Variants in SLITRK3 observed in about 807,000 individuals in gnomAD.
The protein encoded by SLITRK3 is SLIT and NTRK like family member 3.
A neutral mutation model predicts 63.6 loss-of-function variants in SLITRK3; 16 were observed. The observed-to-expected ratio is 0.25, with a 90% CI of 0.17 to 0.38. SLITRK3 has a LOEUF of 0.38. SLITRK3 is among the 10% of genes least tolerant of loss of function. The pLI is 1.00. For missense variants in SLITRK3, 1,117 were observed against 1,181.4 expected (o/e 0.95, Z 0.80); for synonymous variants, 547 against 451.6 (o/e 1.21, Z -2.68).
chr3:165,191,417 G>A (rs572002283), intron 1 of SLITRK3, among the ~76,000 whole-genome samples: 1 of 152,292 alleles, frequency 6.6e-6, no homozygotes, highest in East Asian at 1.9e-4. Context: ...TGTGTAAAAT[G>A]ATCAGCATCT....
upstream of SLITRK3, chr3:165,196,897 G>GTCTCTCTCCCTC (rs71147105): frequency 2.1e-5 from 2 of 96,474 alleles, no homozygotes; most frequent in Non-Finnish European, 4.1e-5. Flanking sequence ...CTCTCTCTCT[G>GTCTCTCTCCCTC]TCTCTCTCTC....
chr3:165,189,040 G>A lies in SLITRK3; in HGVS notation c.1791C>T (p.Leu597=). Residue 597 remains leucine, a synonymous_variant, in exon 2 of 2, where the codon CTC becomes CTT. Coordinates refer to ENST00000475390, the MANE Select transcript of SLITRK3 (RefSeq NM_001318810.2). The surrounding 1 kb of genome is among the most constrained non-coding windows in gnomAD (Gnocchi z 4.0). ...GDVLCRSPEN[L]THRDVRTIEL... ...CAATAGTGCGCACATCACGGTGCGT[G>A]AGGTTCTCAGGGCTCCTGCAAAGCA... is the stretch of plus-strand genomic sequence containing the variant. 7 of 1,614,182 alleles carry A rather than the reference G, an allele frequency of 4.3e-6. No homozygotes were observed. Among genetic ancestry groups the A allele is most frequent in the Non-Finnish European group, 5.1e-6 (6 of 1,180,046 alleles).
chr3:165,193,246 T>A (rs1318863714), intron 1 of SLITRK3, among the ~76,000 whole-genome samples: 1 of 106,540 alleles, frequency 9.4e-6, no homozygotes, highest in Admixed American at 1.1e-4. Context: ...GTGAGGAAGG[T>A]GGAGATGGGG....
Position 165,187,979 on chromosome 3 carries a change from C to G in SLITRK3, c.2852G>C (p.Ser951Thr). 3.7e-6 allele frequency: 6 copies of G among 1,613,930 alleles called. No individual in the cohort carries two copies. The highest frequency in any genetic ancestry group is 4.2e-6 in the Non-Finnish European group (5 of 1,180,000). Residue 951 changes from serine to threonine, a missense_variant, in exon 2 of 2, where the codon AGT becomes ACT. Ser to Thr is a moderately conservative substitution (Grantham distance 58, BLOSUM62 1). This residue lies in a region of SLITRK3 where 499 missense variants were observed against 463.6 expected (regional missense o/e 1.08). Coordinates refer to ENST00000475390, the MANE Select transcript of SLITRK3 (RefSeq NM_001318810.2). The part of the protein sequence containing the change: ...KGFTDHQTQK[S>T]DYLELRAKLQ... Reference sequence around the variant, plus strand: ...TTTGGCCCTTAACTCGAGGTAATCACTTTTTTGGGTTTGGTGGTCTGTGAA... The same window carrying G: ...TTTGGCCCTTAACTCGAGGTAATCAGTTTTTTGGGTTTGGTGGTCTGTGAA...
At position 165,190,102 on chromosome 3, in the gene SLITRK3, C is replaced by G. The variant is rs1413272568; in HGVS notation, c.729G>C (p.Leu243=). ...AAGGAATGCGTTCCAGCCAACTCTT[C>G]AGTTGTACAATTTCACATGTACAGT... ...PWNCTCEIVQ[L]KSWLERIPYT... The change falls in exon 2 of 2, where the codon CTG becomes CTC. Residue 243 remains leucine, a synonymous_variant. Coordinates refer to ENST00000475390, the MANE Select transcript of SLITRK3 (RefSeq NM_001318810.2). 12 of 1,614,196 alleles carry G rather than the reference C, an allele frequency of 7.4e-6. No individual in the cohort carries two copies. Among genetic ancestry groups the G allele is most frequent in the African/African-American group, 1.3e-5 (1 of 75,044 alleles).
Position 165,190,256 on chromosome 3 carries a change from A to G in SLITRK3, c.575T>C (p.Leu192Ser), listed in dbSNP as rs1718159818. Residue 192 changes from leucine to serine, a missense_variant, in exon 2 of 2, where the codon TTA (leucine) becomes TCA (serine). Physicochemically the swap from Leu to Ser is moderately radical, Grantham distance 145. This residue lies in a region of SLITRK3 where 452 missense variants were observed against 495.3 expected (regional missense o/e 0.91). Transcript: ENST00000475390. ...ATGGGTTAAAGAGACAGCCTTAAATAAATTGGTTGGAAGCATGGGGATGAG... is the reference window on the plus strand; with the variant it reads ...ATGGGTTAAAGAGACAGCCTTAAATGAATTGGTTGGAAGCATGGGGATGAG... ...DNLIPMLPTNLFKAVSLTHLD... is the reference protein window; with the variant it reads ...DNLIPMLPTNSFKAVSLTHLD... 1 of 1,614,052 alleles carries G rather than the reference A, an allele frequency of 6.2e-7. No homozygotes were observed. The highest frequency in any genetic ancestry group is 8.5e-7 in the Non-Finnish European group (1 of 1,180,044).
At chr3:165,194,890 G>A (rs886795006) in intron 1 of SLITRK3, among the ~76,000 whole-genome samples, 1 of 152,148 alleles carries the variant, frequency 6.6e-6, no homozygotes, top group African/African-American at 2.4e-5. Context: ...TAAAGGACAG[G>A]GAGGGCTCCA....
intron 1 of SLITRK3, among the ~76,000 whole-genome samples, chr3:165,191,365 G>A (rs1718219723): frequency 6.6e-6 from 1 of 152,196 alleles, no homozygotes; most frequent in South Asian, 2.1e-4. Flanking sequence ...ATTGATTAGT[G>A]TGATAAAGTA....
chr3:165,192,746 A>G (rs1297660055), intron 1 of SLITRK3, among the ~76,000 whole-genome samples: 1 of 150,792 alleles, frequency 6.6e-6, no homozygotes, highest in Admixed American at 6.6e-5. Context: ...TGGGCTCTTC[A>G]ATGGGCTTCT....
At position 165,195,673 on chromosome 3, in the gene SLITRK3, C is replaced by T. The variant is rs934458747; in HGVS notation, c.-115G>A. The T allele has an allele frequency of 6.5e-6, 1 of 152,752 alleles. No individual in the cohort carries two copies. Among genetic ancestry groups the T allele is most frequent in the African/African-American group, 2.4e-5 (1 of 41,472 alleles). 9.5% of individuals were successfully genotyped at this position (152,752 alleles called of 1,614,324 possible). A position where few individuals can be genotyped will look rare whatever the true frequency, so the allele number is the denominator to read the frequency against. On this transcript the variant is annotated 5_prime_UTR_variant, in exon 1 of 2. An upstream start codon of the reference 5' UTR is lost. Coordinates refer to ENST00000475390, the MANE Select transcript of SLITRK3 (RefSeq NM_001318810.2). ...CTCTGCGAAGCTGAATTGTATCCATCATACTGTAGCCTTGTAGCTTCTCCT... is the reference window on the plus strand; with the variant it reads ...CTCTGCGAAGCTGAATTGTATCCATTATACTGTAGCCTTGTAGCTTCTCCT...
chr3:165,190,935 G>A (rs746226423), intron 1 of SLITRK3, 84 bp from the exon 2 acceptor site: 1 of 985,284 alleles, frequency 1.0e-6, no homozygotes, highest in Non-Finnish European at 1.5e-6. Flanking sequence ...GGCATTTTAA[G>A]AGCTATATAA....
At position 165,187,913 on chromosome 3, in the gene SLITRK3, G is replaced by T. The variant is rs765023632; in HGVS notation, c.2918C>A (p.Thr973Lys). 3.1e-6 allele frequency: 5 copies of T among 1,611,304 alleles called. No individual in the cohort carries two copies. In the South Asian group the frequency reaches 4.4e-5, roughly 14 times the overall value. ...TTCTCTCTGTTAGAACCTGTATGTT[G>T]TCTTCTCCAGGACTTCGAGGTAATC... The part of the protein sequence containing the change: ...KPDYLEVLEK[T>K]TYRF Residue 973 changes from threonine (T) to lysine (K), a missense_variant, in exon 2 of 2, where the codon ACA becomes AAA. Transcript: ENST00000475390.
At position 165,190,034 on chromosome 3, in the gene SLITRK3, T is replaced by G. The variant is rs1718140800; in HGVS notation, c.797A>C (p.His266Pro). 1 of 1,613,874 alleles carries G rather than the reference T, an allele frequency of 6.2e-7. No individual in the cohort carries two copies. Among genetic ancestry groups the G allele is most frequent in the Non-Finnish European group, 8.5e-7 (1 of 1,179,978 alleles). ...VGDITCETPFHFHGKDLREIR... is the reference protein window; with the variant it reads ...VGDITCETPFPFHGKDLREIR... ...TTCTCGTAGGTCCTTTCCATGGAAG[T>G]GGAAAGGGGTCTCACAGGTAATGTC... The change falls in exon 2 of 2, where the codon CAC (histidine) becomes CCC (proline). Residue 266 changes from histidine to proline, a missense_variant. Physicochemically the swap from His to Pro is moderately conservative, Grantham distance 77 (BLOSUM62 -2). Around this residue, in one of 4 missense-constraint regions of SLITRK3, gnomAD observed 452 missense variants for 495.3 expected, o/e 0.91. Transcript: ENST00000475390.
At chr3:165,190,890 T>C (rs1718200321) in intron 1 of SLITRK3, 39 bp from the exon 2 acceptor site, 2 of 1,423,684 alleles carry the variant, frequency 1.4e-6, no homozygotes, top group East Asian at 4.7e-5. Flanking sequence ...TAGCTTTTAG[T>C]CATATGTACT....
In SLITRK3 at chr3:165,187,362, C is replaced by A. The variant is rs2108205341; in HGVS notation, c.*535G>T. On this transcript the variant is annotated 3_prime_UTR_variant, in exon 2 of 2. Coordinates refer to ENST00000475390, the MANE Select transcript of SLITRK3 (RefSeq NM_001318810.2). ...AGAACATTCGAGCAAGACCCGCCCC[C>A]TCCCTCCCCATCTTGCAGTTTCCAG... is the stretch of plus-strand genomic sequence containing the variant. 1 of 152,234 alleles carries A rather than the reference C, an allele frequency of 6.6e-6. No homozygotes were observed. The highest frequency in any genetic ancestry group is 3.4e-3 in the Middle Eastern group (1 of 294). 9.4% of individuals were successfully genotyped at this position (152,234 alleles called of 1,614,324 possible). A position where few individuals can be genotyped will look rare whatever the true frequency, so the allele number is the denominator to read the frequency against.
upstream of SLITRK3, chr3:165,196,944 C>G (rs1273638482): frequency 3.7e-5 from 5 of 134,280 alleles, no homozygotes; most frequent in South Asian, 7.7e-4. Context: ...CTGTCTCTCT[C>G]TCTCTCGCTC....
In SLITRK3 at chr3:165,188,281, A is replaced by G; in HGVS notation, c.2550T>C (p.Val850=). The G allele has an allele frequency of 6.2e-7, 1 of 1,613,632 alleles. No homozygotes were observed. Among genetic ancestry groups the G allele is most frequent in the Non-Finnish European group, 8.5e-7 (1 of 1,179,858 alleles). Residue 850 remains valine, a synonymous_variant, in exon 2 of 2, where the codon GTT becomes GTC. Coordinates refer to ENST00000475390, the MANE Select transcript of SLITRK3 (RefSeq NM_001318810.2). The part of the protein sequence containing the change: ...HPAVGGVSGV[V]GGTGGDLAGF... ...CTGCCAAGTCTCCCCCAGTTCCCCCAACTACTCCTGAAACCCCACCAACTG... is the reference window on the plus strand; with the variant it reads ...CTGCCAAGTCTCCCCCAGTTCCCCCGACTACTCCTGAAACCCCACCAACTG...
chr3:165,195,542 T>C (rs1373635190), intron 1 of SLITRK3, 38 bp downstream of exon 1: 2 of 152,226 alleles, frequency 1.3e-5, no homozygotes, highest in African/African-American at 4.8e-5. Flanking sequence ...AAATACTGGT[T>C]TCAATTAGGC....
upstream of SLITRK3, chr3:165,196,897 G>GTGTCTC (rs1718450011): frequency 1.0e-5 from 1 of 96,474 alleles, no homozygotes; most frequent in South Asian, 4.5e-4. Flanking sequence ...CTCTCTCTCT[G>GTGTCTC]TCTCTCTCTC....
Sources: gnomAD v4.1 joint callset for allele counts (sites outside exome capture counted in the v4.1 genomes callset) on GRCh38, gnomAD v4.1.1 for gene constraint, gnomAD v4.1.1 regional missense constraint, Gnocchi (gnomAD v3.1) non-coding constraint, MANE v1.5 for transcripts, NCBI Gene and HGNC (gene_info 2026-07-23, HGNC 2026-07-21) for gene names.